Variants in CSNK1G3 observed in about 807,000 individuals in gnomAD.
CSNK1G3 encodes casein kinase 1 gamma 3, also known as casein kinase I isoform gamma-3.
A neutral mutation model predicts 64.3 loss-of-function variants in CSNK1G3; 23 were observed. The observed-to-expected ratio is 0.36, with a 90% CI of 0.26 to 0.51. CSNK1G3 has a LOEUF of 0.51. CSNK1G3 is among the 20% of genes least tolerant of loss of function. CSNK1G3 has a pLI of 0.96. For missense variants in CSNK1G3, 357 were observed against 510.5 expected (o/e 0.70, Z 2.90); for synonymous variants, 158 against 162.2 (o/e 0.97, Z 0.20).
intron 4 of CSNK1G3, among the ~76,000 whole-genome samples, chr5:123,562,718 G>A (rs925139373): frequency 2.6e-4 from 39 of 151,104 alleles, no homozygotes; most frequent in African/African-American, 9.2e-4. Context: ...TTCTCATTTT[G>A]GACAACTAGA....
intron 2 of CSNK1G3, among the ~76,000 whole-genome samples, chr5:123,547,265 G>A (rs1435627179): frequency 6.6e-6 from 1 of 152,022 alleles, no homozygotes; most frequent in Non-Finnish European, 1.5e-5. Context: ...TTATTGTGAG[G>A]ATTAAATTTA....
chr5:123,593,375 TACAAGAAACCCACAGTTC>T (rs1792808620), intron 10 of CSNK1G3, among the ~76,000 whole-genome samples: 1 of 152,166 alleles, frequency 6.6e-6, no homozygotes, highest in African/African-American at 2.4e-5. Flanking sequence ...GCTTAAGTTC[TACAAGAAACCCACAGTTC>T]ACAATCCCAG....
Position 123,598,600 on chromosome 5 carries a change from A to G in CSNK1G3, c.1087-6124A>G, listed in dbSNP as rs995894298. Among the ~76,000 whole-genome samples the G allele has an allele frequency of 2.6e-5, 4 of 152,110 alleles. No homozygotes were observed. In the East Asian group the frequency reaches 7.7e-4, roughly 29 times the overall value. On this transcript the variant is annotated intron_variant, in intron 10 of 12. Coordinates refer to ENST00000345990, the Ensembl canonical transcript of CSNK1G3. ...ATACCAGGCAGAGAAGACAATATGA[A>G]TAAGGTTGTGGAGAGAGAGACATAT...
chr5:123,613,117 A>G lies in CSNK1G3; in HGVS notation c.1218-1225A>G, dbSNP rs147023826. Reference sequence around the variant, plus strand: ...GACTCTTTTATGTCTGGAAGGGGAAAATGCCATACCTTCATGCCTTTATTT... The same window carrying G: ...GACTCTTTTATGTCTGGAAGGGGAAGATGCCATACCTTCATGCCTTTATTT... On this transcript the variant is annotated intron_variant, in intron 12 of 12. Transcript: ENST00000345990. Among the ~76,000 whole-genome samples, 936 of 152,222 alleles carry G rather than the reference A, an allele frequency of 6.1e-3. 8 individuals carry two copies. Among genetic ancestry groups the G allele is most frequent in the African/African-American group, 0.021 (879 of 41,532 alleles).
exon 2 of CSNK1G3, chr5:123,545,573 G>A: frequency 3.0e-6 from 3 of 1,000,434 alleles, no homozygotes; most frequent in South Asian, 1.8e-5. Flanking sequence ...ATCTGGTACA[G>A]TTACCTAGTG....
At chr5:123,578,847 T>C (rs1476357540) in intron 6 of CSNK1G3, among the ~76,000 whole-genome samples, 1 of 152,000 alleles carries the variant, frequency 6.6e-6, no homozygotes, top group African/African-American at 2.4e-5. Flanking sequence ...CTTATTGAAT[T>C]ACCTTAGTGT....
intron 6 of CSNK1G3, among the ~76,000 whole-genome samples, chr5:123,581,709 T>A (rs561143215): frequency 9.0e-4 from 135 of 150,320 alleles, no homozygotes; most frequent in African/African-American, 3.0e-3. Context: ...TCTCTTTTTT[T>A]AAAAAAAAAA....
At chr5:123,578,987 TAGAC>T (rs757689510) in intron 6 of CSNK1G3, among the ~76,000 whole-genome samples, 1 of 152,006 alleles carries the variant, frequency 6.6e-6, no homozygotes. Flanking sequence ...TTACAACAGA[TAGAC>T]AGAAATGTGA....
At chr5:123,613,411 ATGTGTG>A (rs34051969) in intron 12 of CSNK1G3, among the ~76,000 whole-genome samples, 1 of 148,808 alleles carries the variant, frequency 6.7e-6, no homozygotes. Flanking sequence ...TGTCCAGTGC[ATGTGTG>A]TGTGTGTGTG....
intron 4 of CSNK1G3, among the ~76,000 whole-genome samples, chr5:123,560,238 G>T (rs185203086): frequency 3.9e-5 from 6 of 152,252 alleles, no homozygotes. Context: ...GTGTTAGTAT[G>T]GATATGGAGA....
At chr5:123,553,113 A>T in exon 3 of CSNK1G3, 3 of 1,396,542 alleles carry the variant, frequency 2.1e-6, no homozygotes, top group Non-Finnish European at 2.9e-6. Flanking sequence ...CAAGGGAAAA[A>T]TTTATACACA....
intron 1 of CSNK1G3, among the ~76,000 whole-genome samples, chr5:123,541,582 C>G (rs1392638287): frequency 6.6e-6 from 1 of 152,092 alleles, no homozygotes; most frequent in East Asian, 1.9e-4. Context: ...GTGTGTGCCA[C>G]CACTCCCAGC....
chr5:123,595,371 A>G (rs1007063492), intron 10 of CSNK1G3, among the ~76,000 whole-genome samples: 4 of 152,180 alleles, frequency 2.6e-5, no homozygotes, highest in Admixed American at 2.0e-4. Flanking sequence ...ATGCTACAAT[A>G]TTTAAGTCAT....
intron 1 of CSNK1G3, among the ~76,000 whole-genome samples, chr5:123,543,042 G>C (rs1056252685): frequency 1.8e-4 from 27 of 151,778 alleles, no homozygotes; most frequent in African/African-American, 6.5e-4. Flanking sequence ...TCTGTCTCCT[G>C]TGACAGCTTT....
intron 4 of CSNK1G3, among the ~76,000 whole-genome samples, chr5:123,569,489 T>C (rs957877808): frequency 1.3e-5 from 2 of 152,214 alleles, no homozygotes; most frequent in East Asian, 3.9e-4. Context: ...CATTGTCTTT[T>C]GGAGGACACT....
chr5:123,585,005 C>T (rs1791042555), intron 6 of CSNK1G3, among the ~76,000 whole-genome samples: 1 of 151,952 alleles, frequency 6.6e-6, no homozygotes, highest in African/African-American at 2.4e-5. Flanking sequence ...CTTTCCAATC[C>T]AGCTTTTGTT....
intron 6 of CSNK1G3, among the ~76,000 whole-genome samples, chr5:123,576,468 G>C (rs977856059): frequency 3.3e-5 from 5 of 152,126 alleles, no homozygotes; most frequent in Admixed American, 2.6e-4. Flanking sequence ...TTTTTAAGGG[G>C]TTTCTTATTG....
intron 1 of CSNK1G3, among the ~76,000 whole-genome samples, chr5:123,537,877 A>C (rs541073729): frequency 5.3e-5 from 8 of 152,272 alleles, no homozygotes; most frequent in African/African-American, 1.9e-4. Context: ...TAGGATTTCT[A>C]TCACCACAGC....
chr5:123,552,548 G>C (rs1404836319), intron 2 of CSNK1G3, among the ~76,000 whole-genome samples: 1 of 152,108 alleles, frequency 6.6e-6, no homozygotes, highest in Non-Finnish European at 1.5e-5. Context: ...TAATTTTGTT[G>C]TAAGGTGAGG....
Sources: gnomAD v4.1 joint callset for allele counts (sites outside exome capture counted in the v4.1 genomes callset) on GRCh38, gnomAD v4.1.1 for gene constraint, MANE v1.5 for transcripts, NCBI Gene and HGNC (gene_info 2026-07-23, HGNC 2026-07-21) for gene names.